The following MYO16 variants were observed in gnomAD, a reference collection of about 807,000 sequenced individuals.
MYO16 encodes myosin XVI.
Under a neutral mutation model 205.3 loss-of-function variants are expected in MYO16, and 94 were observed. The observed-to-expected ratio is 0.46, with a 90% CI of 0.39 to 0.54. MYO16 has a LOEUF of 0.54. Among genes scored for constraint, MYO16 ranks in the 20% least tolerant of loss-of-function variants. The probability of loss-of-function intolerance (pLI) is 0.00; values close to 1 mark genes in which losing one functional copy is unlikely to be tolerated. For synonymous variants in MYO16, 988 were observed against 954.0 expected, an observed-to-expected ratio of 1.04 and a Z score of -0.66; for missense variants, 2,315 against 2,387.5, an observed-to-expected ratio of 0.97 and a Z score of 0.63.
intron 1 of MYO16, among the ~76,000 whole-genome samples, chr13:108,645,871 C>T (rs7337543): frequency 0.18 from 27,700 of 152,102 alleles, 3,857 homozygotes; most frequent in African/African-American, 0.38. Flanking sequence ...ACAGAGGAAG[C>T]GGAATCAGTA....
Position 109,179,528 on chromosome 13 carries a change from G to A in MYO16, c.5324-14G>A, listed in dbSNP as rs769364610. 2.5e-6 allele frequency: 4 copies of A among 1,594,356 alleles called. No homozygotes were observed. In the South Asian group the frequency reaches 4.4e-5, roughly 18 times the overall value. On this transcript the variant is annotated splice_polypyrimidine_tract_variant and intron_variant, in intron 33 of 34. Transcript: ENST00000457511. The stretch of plus-strand genomic sequence containing the variant: ...AGACACTGCTTAACTCCCGATTTGT[G>A]TTGACCTCAATAGGTTTACCTGAAG...
At chr13:108,778,610 C>T (rs1246199529) in intron 4 of MYO16, among the ~76,000 whole-genome samples, 3 of 133,814 alleles carry the variant, frequency 2.2e-5, no homozygotes. Context: ...CAGGGCGAGA[C>T]TCCATCTAAA....
At chr13:109,115,417 C>T (rs1875632535) in intron 28 of MYO16, among the ~76,000 whole-genome samples, 2 of 152,084 alleles carry the variant, frequency 1.3e-5, no homozygotes, top group African/African-American at 4.8e-5. Context: ...AGATGGTTTA[C>T]TTTTACAGGA....
intron 2 of MYO16, among the ~76,000 whole-genome samples, chr13:108,684,500 C>T (rs954815752): frequency 1.3e-5 from 2 of 152,104 alleles, no homozygotes; most frequent in Non-Finnish European, 2.9e-5. Flanking sequence ...ATCTGTGGAT[C>T]TGTATATATA....
intron 15 of MYO16, among the ~76,000 whole-genome samples, chr13:108,906,243 A>C (rs1446784128): frequency 1.3e-5 from 2 of 152,200 alleles, no homozygotes; most frequent in African/African-American, 2.4e-5. Context: ...AGTCCCCCTG[A>C]GGAATGTCGA....
intron 27 of MYO16, among the ~76,000 whole-genome samples, chr13:109,094,134 T>TTGTCA (rs1213132715): frequency 2.0e-5 from 3 of 152,156 alleles, no homozygotes; most frequent in Admixed American, 6.5e-5. Flanking sequence ...TCCTCCCTCA[T>TTGTCA]TGTCAGGTGT....
the MYO16 span, among the ~76,000 whole-genome samples, chr13:108,505,555 T>C: frequency 2.0e-5 from 3 of 152,188 alleles, no homozygotes; most frequent in Non-Finnish European, 2.9e-5. Flanking sequence ...GTGAGAGCTC[T>C]TTACATATAC....
intron 9 of MYO16, among the ~76,000 whole-genome samples, chr13:108,829,458 C>A (rs1353125633): frequency 6.6e-6 from 1 of 152,102 alleles, no homozygotes; most frequent in Admixed American, 6.5e-5. Flanking sequence ...CTGATTATAA[C>A]CATATGGAGA....
At chr13:108,775,553 A>T (rs1886097407) in intron 4 of MYO16, among the ~76,000 whole-genome samples, 1 of 152,186 alleles carries the variant, frequency 6.6e-6, no homozygotes, top group Admixed American at 6.5e-5. Context: ...ATACCTTATA[A>T]ATGCTACTGA....
At chr13:109,090,120 A>G (rs1392346064) in intron 27 of MYO16, among the ~76,000 whole-genome samples, 1 of 152,222 alleles carries the variant, frequency 6.6e-6, no homozygotes, top group Admixed American at 6.5e-5. Flanking sequence ...TGGAAGTAGA[A>G]GGGAAATCCG....
chr13:109,126,493 T>C (rs1232155504), intron 30 of MYO16, among the ~76,000 whole-genome samples: 2 of 152,200 alleles, frequency 1.3e-5, no homozygotes, highest in Admixed American at 1.3e-4. Flanking sequence ...CAGAAGAAGT[T>C]TTTTTAAGCA....
At chr13:109,010,737 G>T (rs144262436) in intron 22 of MYO16, among the ~76,000 whole-genome samples, 327 of 152,148 alleles carry the variant, frequency 2.1e-3, no homozygotes, top group African/African-American at 7.5e-3. Context: ...ATTTACAGAA[G>T]TGTGGTGACC....
chr13:108,640,331 G>C (rs10083273), intron 1 of MYO16, among the ~76,000 whole-genome samples: 2 of 152,124 alleles, frequency 1.3e-5, no homozygotes, highest in African/African-American at 4.8e-5. Context: ...CGATGAGGAG[G>C]CCATTAGTGA....
chr13:108,610,571 G>A (rs1879135876), intron 1 of MYO16, among the ~76,000 whole-genome samples: 1 of 152,152 alleles, frequency 6.6e-6, no homozygotes, highest in African/African-American at 2.4e-5. Flanking sequence ...ATTTCAAATT[G>A]CATGCATAGG....
chr13:108,524,487 T>G, the MYO16 span, among the ~76,000 whole-genome samples: 2 of 152,186 alleles, frequency 1.3e-5, no homozygotes, highest in Non-Finnish European at 2.9e-5. Context: ...CCTTGCTTCT[T>G]GTAAACCCTG....
chr13:109,175,326 G>C (rs189479394), intron 33 of MYO16, among the ~76,000 whole-genome samples: 21 of 152,270 alleles, frequency 1.4e-4, no homozygotes, highest in Admixed American at 1.4e-3. Flanking sequence ...CTTCAATCAA[G>C]GCCAAAGCCT....
chr13:108,949,107 C>T (rs985331657), intron 16 of MYO16, among the ~76,000 whole-genome samples: 8 of 152,160 alleles, frequency 5.3e-5, no homozygotes, highest in Admixed American at 2.0e-4. Context: ...AAGCACAAGT[C>T]GAATTTTATA....
chr13:108,791,433 G>A (rs1322589420), intron 5 of MYO16, among the ~76,000 whole-genome samples: 1 of 152,146 alleles, frequency 6.6e-6, no homozygotes, highest in Non-Finnish European at 1.5e-5. Flanking sequence ...CTTTTATTTA[G>A]TGCTTACTGA....
chr13:108,643,307 C>G (rs1473879372), intron 1 of MYO16, among the ~76,000 whole-genome samples: 1 of 152,198 alleles, frequency 6.6e-6, no homozygotes, highest in Non-Finnish European at 1.5e-5. Context: ...CCCTTGAGAT[C>G]CAGCCAAGTT....
Sources: allele counts gnomAD v4.1 joint callset (sites outside exome capture counted in the v4.1 genomes callset), GRCh38; gene constraint gnomAD v4.1.1; transcripts MANE v1.5; gene names NCBI Gene and HGNC (gene_info 2026-07-23, HGNC 2026-07-21).